The following EVA1A variants were observed in gnomAD, a reference collection of about 807,000 sequenced individuals.
The protein encoded by EVA1A is protein eva-1 homolog A.
Under a neutral mutation model 9.8 loss-of-function variants are expected in EVA1A, and 7 were observed. The observed-to-expected ratio is 0.71, with a 90% CI of 0.41 to 1.34. The LOEUF is 1.34. Ranked by LOEUF, EVA1A falls within the 40% of genes most tolerant of loss-of-function variation. The pLI is 0.01. For missense variants in EVA1A, 206 were observed against 205.9 expected (o/e 1.00, Z 0.00); for synonymous variants, 90 against 85.6 (o/e 1.05, Z -0.28).
At chr2:75,539,030 C>G (rs1019683293) in intron 1 of EVA1A, among the ~76,000 whole-genome samples, 5 of 152,322 alleles carry the variant, frequency 3.3e-5, no homozygotes, top group Admixed American at 3.3e-4. Flanking sequence ...TGCATTATTT[C>G]TTGCAACTGC....
In EVA1A at chr2:75,519,426, C is replaced by T. The variant is rs181430594; in HGVS notation, c.-68-1218G>A. ...TGGGCTATAACAGAACACTCTCTGG[C>T]TGGTAGATTTCAGCAGGCTTCAGGA... On this transcript the variant is annotated intron_variant, in intron 2 of 3. Transcript: ENST00000393913. Among the ~76,000 whole-genome samples, 22 of 152,264 alleles carry T rather than the reference C, an allele frequency of 1.4e-4. No homozygotes were observed. The East Asian group carries it at 4.3e-3, about 29-fold the overall frequency.
At chr2:75,559,697 T>TGGGGGGG (rs36059976) in intron 1 of EVA1A, among the ~76,000 whole-genome samples, 7 of 78,838 alleles carry the variant, frequency 8.9e-5, no homozygotes, top group Non-Finnish European at 1.2e-4. Flanking sequence ...AGAAAGGAGG[T>TGGGGGGG]GGGGGGGGGG....
intron 2 of EVA1A, among the ~76,000 whole-genome samples, chr2:75,520,983 T>A (rs1675210478): frequency 1.3e-5 from 2 of 152,106 alleles, no homozygotes; most frequent in South Asian, 4.1e-4. Context: ...CTATCCTAAT[T>A]CCTAATATCA....
At chr2:75,523,794 A>G (rs905147130) in intron 1 of EVA1A, among the ~76,000 whole-genome samples, 6 of 152,228 alleles carry the variant, frequency 3.9e-5, no homozygotes, top group Non-Finnish European at 8.8e-5. Context: ...GCTAATGCTC[A>G]GGGACTGTTT....
intron 3 of EVA1A, among the ~76,000 whole-genome samples, chr2:75,511,952 A>G (rs1380342123): frequency 2.0e-5 from 3 of 152,122 alleles, no homozygotes; most frequent in African/African-American, 7.2e-5. Context: ...AGGATATGAA[A>G]TGCTGAATGT....
At chr2:75,562,662 C>A (rs1676950078), upstream of EVA1A, among the ~76,000 whole-genome samples, 1 of 152,250 alleles carries the variant, frequency 6.6e-6, no homozygotes, top group South Asian at 2.1e-4. Flanking sequence ...ACTTGCCTGA[C>A]TCCAAATTCC....
chr2:75,548,939 A>T lies in EVA1A; in HGVS notation c.-192+11741T>A, dbSNP rs73938962. On this transcript the variant is annotated intron_variant, in intron 1 of 3. Coordinates refer to ENST00000393913, the MANE Select transcript of EVA1A (RefSeq NM_001135032.2). ...TCATCTAGCCTTGAGCCAGCCACATAGTTGTTCAAATTATTAAATGAACTG... is the reference window on the plus strand; with the variant it reads ...TCATCTAGCCTTGAGCCAGCCACATTGTTGTTCAAATTATTAAATGAACTG... Among the ~76,000 whole-genome samples, 685 of 151,234 alleles carry T rather than the reference A, an allele frequency of 4.5e-3. 5 individuals carry two copies. Among genetic ancestry groups the T allele is most frequent in the African/African-American group, 0.016 (660 of 41,226 alleles).
intron 3 of EVA1A, among the ~76,000 whole-genome samples, chr2:75,496,893 A>G (rs990120737): frequency 1.3e-5 from 2 of 152,242 alleles, no homozygotes; most frequent in Admixed American, 1.3e-4. Flanking sequence ...GCACACCTAT[A>G]GCCATCTGAT....
intron 1 of EVA1A, among the ~76,000 whole-genome samples, chr2:75,552,349 C>T (rs755540222): frequency 5.9e-5 from 9 of 152,058 alleles, no homozygotes; most frequent in Admixed American, 2.6e-4. Flanking sequence ...AAATGCTGCT[C>T]CCTCCTCCCT....
At chr2:75,563,340 A>C (rs979338023), upstream of EVA1A, among the ~76,000 whole-genome samples, 1 of 152,198 alleles carries the variant, frequency 6.6e-6, no homozygotes, top group African/African-American at 2.4e-5. Flanking sequence ...CCCTGCATGA[A>C]GGCCAACATT....
At position 75,505,076 on chromosome 2, in the gene EVA1A, C is replaced by G. The variant is rs376281663; in HGVS notation, c.86-11467G>C. Among the ~76,000 whole-genome samples the G allele has an allele frequency of 8.3e-4, 127 of 152,294 alleles. 2 individuals are homozygous for G. Among genetic ancestry groups the G allele is most frequent in the African/African-American group, 2.9e-3 (122 of 41,560 alleles). On this transcript the variant is annotated intron_variant, in intron 3 of 3. Transcript: ENST00000393913. ...CAATCCACTGGCTCACTTTTCTTCC[C>G]CTGCAAGGGAAAGACCTACAATCCC...
At chr2:75,515,173 C>T (rs1462556293) in intron 3 of EVA1A, among the ~76,000 whole-genome samples, 1 of 152,116 alleles carries the variant, frequency 6.6e-6, no homozygotes, top group East Asian at 1.9e-4. Context: ...TATAAAAGCT[C>T]TTTATTTGTT....
chr2:75,552,814 G>A (rs1167880880), intron 1 of EVA1A, among the ~76,000 whole-genome samples: 1 of 152,166 alleles, frequency 6.6e-6, no homozygotes, highest in African/African-American at 2.4e-5. Flanking sequence ...AGGCTGAGAT[G>A]TATCTGACTC....
Position 75,536,677 on chromosome 2 carries a change from C to T in EVA1A, c.-191-14190G>A, listed in dbSNP as rs1467061194. Among the ~76,000 whole-genome samples the T allele has an allele frequency of 2.0e-5, 3 of 152,132 alleles. No individual in the cohort carries two copies. The East Asian group carries it at 5.8e-4, about 29-fold the overall frequency. ...AGTAAGGAAATACTAGGAACAACTC[C>T]TACACACATAAGTTTGACAATTCAG... On this transcript the variant is annotated intron_variant, in intron 1 of 3. Coordinates refer to ENST00000393913, the MANE Select transcript of EVA1A (RefSeq NM_001135032.2).
intron 3 of EVA1A, among the ~76,000 whole-genome samples, chr2:75,505,357 T>C (rs1159980244): frequency 1.3e-5 from 2 of 152,204 alleles, no homozygotes; most frequent in Admixed American, 6.5e-5. Flanking sequence ...GCAGAATCCA[T>C]ATGATTGATT....
At chr2:75,563,602 T>C (rs117486833), upstream of EVA1A, among the ~76,000 whole-genome samples, 322 of 152,346 alleles carry the variant, frequency 2.1e-3, 4 homozygotes, top group East Asian at 0.034. Context: ...TAAGTATTCT[T>C]GTTCTGTTAT....
intron 1 of EVA1A, among the ~76,000 whole-genome samples, chr2:75,550,463 T>C (rs1302668322): frequency 6.6e-6 from 1 of 151,382 alleles, no homozygotes; most frequent in South Asian, 2.1e-4. Flanking sequence ...TACCTCCAAG[T>C]ATCTACACAG....
At chr2:75,498,815 T>A (rs114004690) in intron 3 of EVA1A, among the ~76,000 whole-genome samples, 3 of 130,428 alleles carry the variant, frequency 2.3e-5, no homozygotes, top group Non-Finnish European at 1.6e-5. Flanking sequence ...TTTTTTTTTT[T>A]TAAAAAGATG....
At chr2:75,538,625 G>A (rs1297250239) in intron 1 of EVA1A, among the ~76,000 whole-genome samples, 2 of 152,106 alleles carry the variant, frequency 1.3e-5, no homozygotes, top group Non-Finnish European at 2.9e-5. Context: ...TAAACCAACT[G>A]TAGTACATCT....
Sources: gnomAD v4.1 joint callset for allele counts (sites outside exome capture counted in the v4.1 genomes callset) on GRCh38, gnomAD v4.1.1 for gene constraint, MANE v1.5 for transcripts, NCBI Gene and HGNC (gene_info 2026-07-23, HGNC 2026-07-21) for gene names.